The following ZFP64 variants were observed in gnomAD, a reference collection of about 807,000 sequenced individuals.
The protein encoded by ZFP64 is ZFP64 zinc finger protein.
ZFP64 carries 14 observed loss-of-function variants against 51.6 expected under a neutral mutation model. The ratio of observed to expected loss-of-function variants is 0.27; its 90% CI spans 0.18 to 0.42. The LOEUF (loss-of-function observed/expected upper bound fraction) is 0.42. ZFP64 is among the 10% of genes least tolerant of loss of function. ZFP64 has a pLI of 1.00. For missense variants in ZFP64, 754 were observed against 906.8 expected (o/e 0.83, Z 2.16); for synonymous variants, 375 against 361.4 (o/e 1.04, Z -0.43).
At chr20:52,091,623 A>G (rs1168188652) in intron 7 of ZFP64, among the ~76,000 whole-genome samples, 1 of 152,116 alleles carries the variant, frequency 6.6e-6, no homozygotes, top group African/African-American at 2.4e-5. Context: ...AAGTTTTAGA[A>G]TGTCTTTTAG....
In ZFP64 at chr20:52,165,893, G is replaced by T; in HGVS notation, c.419C>A (p.Ala140Asp). The T allele has an allele frequency of 6.2e-7, 1 of 1,614,136 alleles. No individual in the cohort carries two copies. Among genetic ancestry groups the T allele is most frequent in the Non-Finnish European group, 8.5e-7 (1 of 1,179,990 alleles). The change falls in exon 3 of 6, where the codon GCT becomes GAT. Residue 140 changes from alanine (A) to aspartate (D), a missense_variant. Transcript: ENST00000216923. ...ATAGCAACAGTTAAGCCTTTTCTGAGCAGGTGGTGTTGTGGGCTTTTTGGT... is the reference window on the plus strand; with the variant it reads ...ATAGCAACAGTTAAGCCTTTTCTGATCAGGTGGTGTTGTGGGCTTTTTGGT... The part of the protein sequence containing the change: ...SRTKKPTTPP[A>D]QKRLNCCYPG...
At chr20:52,129,462 C>G (rs1979616891) in intron 5 of ZFP64, among the ~76,000 whole-genome samples, 1 of 151,966 alleles carries the variant, frequency 6.6e-6, no homozygotes, top group Non-Finnish European at 1.5e-5. Flanking sequence ...CCCAGCCGCT[C>G]CAGCCTTTTT....
chr20:52,152,424 C>A lies in ZFP64; in HGVS notation c.1768G>T (p.Ala590Ser), dbSNP rs746267986. 15 of 1,614,056 alleles carry A rather than the reference C, an allele frequency of 9.3e-6. No individual in the cohort carries two copies. In the East Asian group the frequency reaches 3.1e-4, roughly 34 times the overall value. The change falls in exon 6 of 6, where the codon GCC becomes TCC. Residue 590 changes from alanine (A) to serine (S), a missense_variant. Around this residue, in one of 3 missense-constraint regions of ZFP64, gnomAD observed 428 missense variants for 472.4 expected, o/e 0.91. Transcript: ENST00000216923. ...GAGCCTTCCTGGGGGCCACCTGAGG[C>A]CGTGGGGATGAGAGTCTGGTGCAGA... ...ATLHQTLIPT[A>S]SGGPQEGSGN...
At chr20:52,123,882 G>A (rs1187624953) in intron 5 of ZFP64, among the ~76,000 whole-genome samples, 1 of 151,374 alleles carries the variant, frequency 6.6e-6, no homozygotes, top group Non-Finnish European at 1.5e-5. Context: ...TTTTTGGGGG[G>A]GGGAGGGGGC....
chr20:52,171,482 T>C (rs1407894447), intron 2 of ZFP64, among the ~76,000 whole-genome samples: 1 of 152,114 alleles, frequency 6.6e-6, no homozygotes, highest in Non-Finnish European at 1.5e-5. Context: ...TTGGACCAAT[T>C]TGGGTGTTTT....
Position 52,152,253 on chromosome 20 carries a change from C to T in ZFP64, c.1939G>A (p.Val647Ile), listed in dbSNP as rs770251429. 8 of 1,614,192 alleles carry T rather than the reference C, an allele frequency of 5.0e-6. No homozygotes were observed. The highest frequency in any genetic ancestry group is 6.8e-6 in the Non-Finnish European group (8 of 1,180,036). The change falls in exon 6 of 6, where the codon GTC becomes ATC. Residue 647 changes from valine to isoleucine, a missense_variant. Val to Ile is a conservative substitution (Grantham distance 29). This residue lies in a region of ZFP64 where 428 missense variants were observed against 472.4 expected (regional missense o/e 0.91). Transcript: ENST00000216923. ...NIAVATTAPP[V>I]FSSSSQQELP... Reference sequence around the variant, plus strand: ...TCTTGCTGGGAAGAGGAGGAGAAGACCGGTGGCGCTGTGGTGGCCACTGCG... The same window carrying T: ...TCTTGCTGGGAAGAGGAGGAGAAGATCGGTGGCGCTGTGGTGGCCACTGCG...
In ZFP64 at chr20:52,151,349, T is replaced by C; in HGVS notation, c.*797A>G. ...GCTCATTAGCACTAAACATTTTTTTTTGGGTCAAGTATCCATGTCATATTA... is the reference window on the plus strand; with the variant it reads ...GCTCATTAGCACTAAACATTTTTTTCTGGGTCAAGTATCCATGTCATATTA... On this transcript the variant is annotated 3_prime_UTR_variant, in exon 6 of 6. Coordinates refer to ENST00000216923, the MANE Select transcript of ZFP64 (RefSeq NM_018197.3). 1 of 985,452 alleles carries C rather than the reference T, an allele frequency of 1.0e-6. No individual in the cohort carries two copies. The highest frequency in any genetic ancestry group is 1.1e-4 in the East Asian group (1 of 8,824). The allele number at this position is 985,452 out of a possible 1,614,324, so 61.0% of individuals were successfully genotyped here.
intron 5 of ZFP64, chr20:52,105,158 A>C: frequency 1.4e-6 from 2 of 1,444,106 alleles, no homozygotes; most frequent in Non-Finnish European, 1.8e-6. Flanking sequence ...CTGCGGGGCC[A>C]CCTCCGCACA....
At chr20:52,168,096 T>G (rs943738875) in intron 2 of ZFP64, among the ~76,000 whole-genome samples, 1 of 152,240 alleles carries the variant, frequency 6.6e-6, no homozygotes, top group Non-Finnish European at 1.5e-5. Context: ...CCCAAGTTCC[T>G]GATCTCCATC....
At chr20:52,088,922 A>G (rs1013861257) in intron 7 of ZFP64, 2 of 607,260 alleles carry the variant, frequency 3.3e-6, no homozygotes, top group Admixed American at 1.9e-5. Flanking sequence ...TGGTTATAGA[A>G]GTACTCAGGA....
At chr20:52,144,578 CAAAAAAAAAAA>C (rs1156545584) in intron 5 of ZFP64, among the ~76,000 whole-genome samples, 1 of 23,332 alleles carries the variant, frequency 4.3e-5, no homozygotes, top group Non-Finnish European at 7.2e-5. Context: ...GACTCCGTCT[CAAAAAAAAAAA>C]AAAAAAAAAA....
intron 5 of ZFP64, among the ~76,000 whole-genome samples, chr20:52,115,088 C>T (rs1457668334): frequency 6.6e-6 from 1 of 151,302 alleles, no homozygotes. Context: ...GCCTGTAGTC[C>T]CAGGTACTGG....
chr20:52,172,461 G>A lies in ZFP64; in HGVS notation c.287-6436C>T, dbSNP rs116489807. ...CTTGAGAATTCTCAGTGGACATTAC[G>A]GTAACTATGCATAATAGGTTATTAT... On this transcript the variant is annotated intron_variant, in intron 2 of 5. Transcript: ENST00000216923. 1.8e-3 allele frequency among the ~76,000 whole-genome samples: 271 copies of A among 152,148 alleles called. 1 individual carries two copies. The highest frequency in any genetic ancestry group is 6.2e-3 in the African/African-American group (257 of 41,502).
intron 2 of ZFP64, among the ~76,000 whole-genome samples, chr20:52,170,804 A>G (rs910014732): frequency 1.3e-5 from 2 of 152,238 alleles, no homozygotes; most frequent in Non-Finnish European, 2.9e-5. Context: ...CACTAGAAAC[A>G]GAGCAGTGAC....
At chr20:52,166,887 G>C (rs982345514) in intron 2 of ZFP64, among the ~76,000 whole-genome samples, 2 of 152,044 alleles carry the variant, frequency 1.3e-5, no homozygotes, top group Non-Finnish European at 2.9e-5. Context: ...AAAAAGGAAC[G>C]ATAGAAGGGA....
At chr20:52,093,501 G>A (rs1384989298) in intron 7 of ZFP64, among the ~76,000 whole-genome samples, 1 of 152,170 alleles carries the variant, frequency 6.6e-6, no homozygotes, top group Non-Finnish European at 1.5e-5. Flanking sequence ...TCTTATATGG[G>A]AAATGATTGC....
chr20:52,089,527 C>T (rs2078899565), intron 7 of ZFP64, among the ~76,000 whole-genome samples: 1 of 151,882 alleles, frequency 6.6e-6, no homozygotes, highest in Admixed American at 6.6e-5. Flanking sequence ...GATCGCTTGA[C>T]CCCAGGAGTT....
At chr20:52,149,856 C>T (rs748973624), downstream of ZFP64, among the ~76,000 whole-genome samples, 2 of 152,002 alleles carry the variant, frequency 1.3e-5, no homozygotes, top group Non-Finnish European at 2.9e-5. Flanking sequence ...AAATATTATG[C>T]TTAATTAAAC....
chr20:52,086,414 T>C (rs901729333), intron 8 of ZFP64, among the ~76,000 whole-genome samples: 6 of 152,154 alleles, frequency 3.9e-5, no homozygotes, highest in Admixed American at 2.6e-4. Context: ...ACTGTGTTTC[T>C]TGAAAGAAGG....
Sources: allele counts gnomAD v4.1 joint callset (sites outside exome capture counted in the v4.1 genomes callset), GRCh38; gene constraint gnomAD v4.1.1; regional missense constraint gnomAD v4.1.1; transcripts MANE v1.5; gene names NCBI Gene and HGNC (gene_info 2026-07-23, HGNC 2026-07-21).